ATP10A: variants seen among roughly 807,000 people sequenced by gnomAD.
ATP10A encodes ATPase phospholipid transporting 10A (putative).
Under a neutral mutation model 147.8 loss-of-function variants are expected in ATP10A, and 111 were observed. The observed-to-expected ratio is 0.75, with a 90% confidence interval of 0.64 to 0.88. The LOEUF (loss-of-function observed/expected upper bound fraction) is 0.88. ATP10A is among the 40% of genes least tolerant of loss of function. ATP10A has a pLI of 0.00. For missense variants in ATP10A, 1,927 were observed against 1,959.0 expected, an observed-to-expected ratio of 0.98 and a Z score of 0.31; for synonymous variants, 875 against 841.6, an observed-to-expected ratio of 1.04 and a Z score of -0.69.
At chr15:25,749,390 C>T (rs1242370993) in intron 2 of ATP10A, among the ~76,000 whole-genome samples, 1 of 152,104 alleles carries the variant, frequency 6.6e-6, no homozygotes, top group African/African-American at 2.4e-5. Context: ...GGGGTCAGTG[C>T]CTGCTTCCAC....
At chr15:25,738,051 T>A (rs1887385719) in intron 2 of ATP10A, among the ~76,000 whole-genome samples, 1 of 152,118 alleles carries the variant, frequency 6.6e-6, no homozygotes, top group African/African-American at 2.4e-5. Context: ...CATCTTTGAG[T>A]TTCTCATTTA....
intron 1 of ATP10A, among the ~76,000 whole-genome samples, chr15:25,816,973 T>C (rs1194538521): frequency 3.2e-5 from 4 of 126,856 alleles, no homozygotes; most frequent in African/African-American, 1.5e-4. Context: ...TGTTAATGTG[T>C]AGGAAAAAAA....
chr15:25,698,626 C>G (rs1418295922), intron 13 of ATP10A, among the ~76,000 whole-genome samples: 1 of 152,006 alleles, frequency 6.6e-6, no homozygotes, highest in Non-Finnish European at 1.5e-5. Flanking sequence ...ATCCCTAACC[C>G]CTACGTGTTC....
intron 1 of ATP10A, among the ~76,000 whole-genome samples, chr15:25,829,271 G>T (rs1596965744): frequency 1.3e-5 from 2 of 152,196 alleles, no homozygotes; most frequent in African/African-American, 4.8e-5. Context: ...GATGTCACCT[G>T]TGATGATGTC....
At chr15:25,675,577 G>A (rs1596665353), downstream of ATP10A, among the ~76,000 whole-genome samples, 1 of 152,008 alleles carries the variant, frequency 6.6e-6, no homozygotes, top group African/African-American at 2.4e-5. Context: ...TGAACCCCAG[G>A]GGCTGGGAGG....
chr15:25,697,533 A>T (rs999594140), intron 13 of ATP10A, among the ~76,000 whole-genome samples: 2 of 152,248 alleles, frequency 1.3e-5, no homozygotes, highest in Non-Finnish European at 2.9e-5. Context: ...AAAAGTTCCA[A>T]GAAGTAAGAT....
chr15:25,697,988 G>A (rs1013185182), intron 13 of ATP10A, among the ~76,000 whole-genome samples: 1 of 151,698 alleles, frequency 6.6e-6, no homozygotes, highest in Non-Finnish European at 1.5e-5. Flanking sequence ...TCTTCAAAAT[G>A]GTCAAAATGA....
At chr15:25,826,747 A>T (rs1052086568) in intron 1 of ATP10A, among the ~76,000 whole-genome samples, 1 of 152,208 alleles carries the variant, frequency 6.6e-6, no homozygotes, top group Admixed American at 6.5e-5. Flanking sequence ...GTGGGCCTAG[A>T]TCGTGCCACT....
At chr15:25,806,659 A>G (rs569806116) in intron 1 of ATP10A, among the ~76,000 whole-genome samples, 2 of 152,306 alleles carry the variant, frequency 1.3e-5, no homozygotes, top group African/African-American at 4.8e-5. Context: ...CTTTACTGTA[A>G]TAACACAGTA....
chr15:25,818,946 G>T (rs1484227250), intron 1 of ATP10A, among the ~76,000 whole-genome samples: 1 of 152,118 alleles, frequency 6.6e-6, no homozygotes, highest in Non-Finnish European at 1.5e-5. Flanking sequence ...ATAGATTAAA[G>T]ACTTAACTCT....
intron 7 of ATP10A, among the ~76,000 whole-genome samples, chr15:25,719,751 T>G (rs1209650111): frequency 6.6e-6 from 1 of 152,124 alleles, no homozygotes; most frequent in Non-Finnish European, 1.5e-5. Context: ...GAGCAGGTAA[T>G]GCCCCCTCCT....
At chr15:25,797,790 T>A (rs1596906600) in intron 1 of ATP10A, among the ~76,000 whole-genome samples, 1 of 151,828 alleles carries the variant, frequency 6.6e-6, no homozygotes, top group Admixed American at 6.6e-5. Flanking sequence ...GGGGTGAGGG[T>A]GGGGAGAGAG....
At chr15:25,792,507 C>T (rs377654122) in intron 1 of ATP10A, among the ~76,000 whole-genome samples, 4 of 152,228 alleles carry the variant, frequency 2.6e-5, no homozygotes, top group East Asian at 1.9e-4. Flanking sequence ...AGGGGGCCAA[C>T]CCCAGACCCA....
At chr15:25,730,259 G>A (rs1350526297) in intron 3 of ATP10A, among the ~76,000 whole-genome samples, 7 of 150,044 alleles carry the variant, frequency 4.7e-5, no homozygotes, top group African/African-American at 1.5e-4. Flanking sequence ...CCAAGATCGC[G>A]CCACTGCACT....
At chr15:25,823,648 G>A (rs1423562985) in intron 1 of ATP10A, among the ~76,000 whole-genome samples, 1 of 152,170 alleles carries the variant, frequency 6.6e-6, no homozygotes, top group East Asian at 1.9e-4. Context: ...AGCATTACTT[G>A]AATTAACTCA....
chr15:25,692,567 C>G (rs570773712), intron 14 of ATP10A, among the ~76,000 whole-genome samples: 2 of 152,116 alleles, frequency 1.3e-5, no homozygotes, highest in South Asian at 4.2e-4. Flanking sequence ...TGTCTCTTCC[C>G]TGTGATTTTC....
rs552950510 is a variant in ATP10A at position 25,823,145 on chromosome 15, C to A, written c.449+39503G>T. On this transcript the variant is annotated intron_variant, in intron 1 of 20. Coordinates refer to ENST00000555815, the MANE Select transcript of ATP10A (RefSeq NM_024490.4). The stretch of plus-strand genomic sequence containing the variant: ...GAAACTGGGGTTTGGGCTTGGAAAG[C>A]ACACAGTGTTTTTAAATTAATGGAG... 7.4e-4 allele frequency among the ~76,000 whole-genome samples: 113 copies of A among 152,158 alleles called. 3 individuals carry two copies. In the South Asian group the frequency reaches 0.023, roughly 31 times the overall value.
intron 1 of ATP10A, chr15:25,841,504 C>T (rs1351067346): frequency 6.7e-6 from 1 of 149,578 alleles, no homozygotes; most frequent in Non-Finnish European, 1.5e-5. Context: ...AGTGCTTCCA[C>T]TTTATTATTC....
In ATP10A at chr15:25,726,178, G is replaced by T. The variant is rs529203556; in HGVS notation, c.848-96C>A. 4 of 1,442,340 alleles carry T rather than the reference G, an allele frequency of 2.8e-6. No individual in the cohort carries two copies. The South Asian group carries it at 5.2e-5, about 19-fold the overall frequency. The allele number at this position is 1,442,340 out of a possible 1,614,324, so 89.3% of individuals were successfully genotyped here. A position where few individuals can be genotyped will look rare whatever the true frequency, so the allele number is the denominator to read the frequency against. ...GGAGGGAATTCCATGCTGCCATTCA[G>T]TGGTGCTTAGGTGAGAAGCTTGGTC... On this transcript the variant is annotated intron_variant, in intron 4 of 20. Coordinates refer to ENST00000555815, the MANE Select transcript of ATP10A (RefSeq NM_024490.4).
Sources: gnomAD v4.1 joint callset for allele counts (sites outside exome capture counted in the v4.1 genomes callset) on GRCh38, gnomAD v4.1.1 for gene constraint, MANE v1.5 for transcripts, NCBI Gene and HGNC (gene_info 2026-07-23, HGNC 2026-07-21) for gene names.